SORT1: variants seen among roughly 807,000 people sequenced by gnomAD.
SORT1 encodes sortilin 1.
A neutral mutation model predicts 101.7 loss-of-function variants in SORT1; 39 were observed. That is an observed-to-expected ratio of 0.38 (90% CI 0.30 to 0.50). The LOEUF (loss-of-function observed/expected upper bound fraction) is 0.50. SORT1 is among the 20% of genes least tolerant of loss of function. The probability of loss-of-function intolerance (pLI) is 0.90; values close to 1 mark genes in which losing one functional copy is unlikely to be tolerated. For synonymous variants in SORT1, 396 were observed against 393.7 expected (o/e 1.01, Z -0.07); for missense variants, 878 against 1,040.4 (o/e 0.84, Z 2.15).
chr1:109,342,441 G>C (rs532951984), intron 8 of SORT1, among the ~76,000 whole-genome samples: 134 of 152,260 alleles, frequency 8.8e-4, no homozygotes, highest in African/African-American at 3.1e-3. Flanking sequence ...CTTGGTCTCT[G>C]ATAGTCCACC....
At chr1:109,326,878 C>T in intron 13 of SORT1, 114 bp downstream of exon 13, 1 of 735,614 alleles carries the variant, frequency 1.4e-6, no homozygotes, top group Non-Finnish European at 2.1e-6. Context: ...ATCTATAGTT[C>T]TGTCAAATGC....
chr1:109,375,500 C>T (rs868588037), intron 1 of SORT1, among the ~76,000 whole-genome samples: 3 of 133,372 alleles, frequency 2.2e-5, no homozygotes, highest in Non-Finnish European at 3.1e-5. Flanking sequence ...GCCGAGATCG[C>T]GCCACTGCAC....
At chr1:109,382,429 C>A (rs187881666) in intron 1 of SORT1, among the ~76,000 whole-genome samples, 1 of 152,280 alleles carries the variant, frequency 6.6e-6, no homozygotes, top group East Asian at 1.9e-4. Flanking sequence ...AACCACCACG[C>A]CTGGACGCAT....
intron 1 of SORT1, among the ~76,000 whole-genome samples, chr1:109,382,820 T>C (rs75670391): frequency 1.3e-3 from 194 of 152,296 alleles, no homozygotes; most frequent in African/African-American, 3.8e-3. Flanking sequence ...TTCTCTAAAA[T>C]GCATCCACCT....
intron 10 of SORT1, among the ~76,000 whole-genome samples, chr1:109,338,401 A>T (rs1375663217): frequency 1.3e-5 from 2 of 152,200 alleles, no homozygotes; most frequent in Non-Finnish European, 2.9e-5. Flanking sequence ...CCAGGACTTT[A>T]CAAAATAAAA....
chr1:109,333,983 A>G (rs1368802524), intron 11 of SORT1, among the ~76,000 whole-genome samples: 3 of 152,148 alleles, frequency 2.0e-5, no homozygotes, highest in African/African-American at 4.8e-5. Context: ...CGTCACTACT[A>G]AAGACACAAA....
intron 1 of SORT1, among the ~76,000 whole-genome samples, chr1:109,373,921 CA>C (rs980914956): frequency 1.4e-4 from 21 of 151,824 alleles, no homozygotes; most frequent in Non-Finnish European, 2.5e-4. Context: ...CCCATTTCCA[CA>C]AAAACAATTT....
chr1:109,316,567 A>G (rs912717775), intron 17 of SORT1, among the ~76,000 whole-genome samples: 64 of 152,112 alleles, frequency 4.2e-4, no homozygotes, highest in African/African-American at 1.3e-3. Flanking sequence ...AATGACTCTC[A>G]GCCTCAGAAA....
chr1:109,332,142 C>G lies in SORT1; in HGVS notation c.1371+4098G>C, dbSNP rs188780256. ...GTGATCTACAGATTAAATGTAATGC[C>G]TATTATTTTGACTGTCTTTTTTTAC... On this transcript the variant is annotated intron_variant, in intron 11 of 19. Transcript: ENST00000256637. Among the ~76,000 whole-genome samples the G allele has an allele frequency of 1.1e-4, 17 of 151,832 alleles. No individual in the cohort carries two copies. In the East Asian group the frequency reaches 2.9e-3, roughly 26 times the overall value.
At chr1:109,361,587 TTTG>T (rs1243493971) in intron 3 of SORT1, among the ~76,000 whole-genome samples, 4 of 152,200 alleles carry the variant, frequency 2.6e-5, no homozygotes, top group Non-Finnish European at 5.9e-5. Context: ...CCCATTTTCT[TTTG>T]TTCATTTTGC....
chr1:109,384,820 T>C (rs1652473731), intron 1 of SORT1, among the ~76,000 whole-genome samples: 1 of 152,150 alleles, frequency 6.6e-6, no homozygotes, highest in Admixed American at 6.5e-5. Flanking sequence ...AGCTCACGCC[T>C]GTAATTGCAG....
chr1:109,330,492 GAAGA>G (rs985488157), intron 11 of SORT1, among the ~76,000 whole-genome samples: 2 of 152,132 alleles, frequency 1.3e-5, no homozygotes, highest in African/African-American at 4.8e-5. Context: ...GCAGTTCTAA[GAAGA>G]AAGTTTATGG....
chr1:109,397,576 C>A lies in SORT1; in HGVS notation c.306+11G>T. ...GCACCCGAGCGGCTCCCGGGCCCGG[C>A]GCCCGCTCACCTGGTGCGTGTTGTT... is the stretch of plus-strand genomic sequence containing the variant. On this transcript the variant is annotated intron_variant, in intron 1 of 19. Transcript: ENST00000256637. 4 of 1,194,178 alleles carry A rather than the reference C, an allele frequency of 3.3e-6. No homozygotes were observed. Among genetic ancestry groups the A allele is most frequent in the Non-Finnish European group, 3.1e-6 (3 of 957,816 alleles). The allele number at this position is 1,194,178 out of a possible 1,614,324, so 74.0% of individuals were successfully genotyped here. A position where few individuals can be genotyped will look rare whatever the true frequency, so the allele number is the denominator to read the frequency against.
chr1:109,374,491 T>A (rs1309222612), intron 1 of SORT1, among the ~76,000 whole-genome samples: 1 of 151,786 alleles, frequency 6.6e-6, no homozygotes, highest in Non-Finnish European at 1.5e-5. Context: ...CTCAAGAGGC[T>A]GAGGGAGGAG....
rs1173373220 is a variant in SORT1, at chr1:109,310,585, C to T, written c.*3458G>A. The T allele has an allele frequency of 1.3e-5, 2 of 153,678 alleles. No homozygotes were observed. The highest frequency in any genetic ancestry group is 2.9e-5 in the Non-Finnish European group (2 of 68,050). The allele number at this position is 153,678 out of a possible 1,614,324, so 9.5% of individuals were successfully genotyped here. ...TGGTAGCAAAGTTGAAAGCCGAATC[C>T]CTTCCTATTTTAGCACTTCCAAGTA... On this transcript the variant is annotated 3_prime_UTR_variant, in exon 20 of 20. Transcript: ENST00000256637.
chr1:109,346,070 G>C (rs1300500251), intron 7 of SORT1, among the ~76,000 whole-genome samples, 189 bp from the exon 8 acceptor site: 1 of 152,134 alleles, frequency 6.6e-6, no homozygotes, highest in Non-Finnish European at 1.5e-5. Flanking sequence ...CCAGCACTTT[G>C]GGAGGCTGAG....
chr1:109,365,835 G>C (rs1651046373), intron 3 of SORT1, among the ~76,000 whole-genome samples: 1 of 152,200 alleles, frequency 6.6e-6, no homozygotes, highest in African/African-American at 2.4e-5. Context: ...ATGTATTGAA[G>C]GGCAGAGACC....
chr1:109,315,357 G>A (rs1001634067), intron 17 of SORT1, among the ~76,000 whole-genome samples: 12 of 152,182 alleles, frequency 7.9e-5, no homozygotes, highest in African/African-American at 2.9e-4. Flanking sequence ...AGGAGGCAGA[G>A]CTGGATTCTA....
At chr1:109,318,210 G>A (rs1647371085) in intron 15 of SORT1, among the ~76,000 whole-genome samples, 1 of 151,066 alleles carries the variant, frequency 6.6e-6, no homozygotes, top group Non-Finnish European at 1.5e-5. Flanking sequence ...CTGGAGTGCA[G>A]TGGCGTGTTC....
Sources: gnomAD v4.1 joint callset for allele counts (sites outside exome capture counted in the v4.1 genomes callset) on GRCh38, gnomAD v4.1.1 for gene constraint, MANE v1.5 for transcripts, NCBI Gene and HGNC (gene_info 2026-07-23, HGNC 2026-07-21) for gene names.